BIN2: variants seen among roughly 807,000 people sequenced by gnomAD.
BIN2 encodes breast cancer associated protein BRAP1.
In BIN2, 43 loss-of-function variants were observed where a neutral mutation model predicts 67.9. The ratio of observed to expected loss-of-function variants is 0.63; its 90% CI spans 0.50 to 0.82. The LOEUF is 0.82. BIN2 is among the 40% of genes least tolerant of loss of function. The probability of loss-of-function intolerance (pLI) is 0.00; values close to 1 mark genes in which losing one functional copy is unlikely to be tolerated. For missense variants in BIN2, 581 were observed against 671.6 expected (o/e 0.87, Z 1.49); for synonymous variants, 244 against 246.8 (o/e 0.99, Z 0.11).
At chr12:51,302,612 A>C in intron 4 of BIN2, 74 bp downstream of exon 4, 3 of 1,258,488 alleles carry the variant, frequency 2.4e-6, no homozygotes, top group Non-Finnish European at 3.5e-6. Context: ...TTTCTTGGAT[A>C]GAGAAGCTAA....
chr12:51,295,814 A>C lies in BIN2; in HGVS notation c.743T>G (p.Val248Gly), dbSNP rs770133337. ...LEKQHSNKVF[V>G]VKGLSSSSRR... ...TGCTCACCTTGACAGTCCCTTCACC[A>C]CAAAGACTTTATTGGAATGTTGCTT... The change falls in exon 9 of 13, where the codon GTG (valine) becomes GGG (glycine). Residue 248 changes from valine to glycine, a missense_variant. Transcript: ENST00000615107. The C allele has an allele frequency of 4.3e-6, 7 of 1,613,070 alleles. No individual in the cohort carries two copies. Among genetic ancestry groups the C allele is most frequent in the Non-Finnish European group, 5.9e-6 (7 of 1,179,690 alleles).
At chr12:51,289,014 C>T (rs1945318021) in intron 10 of BIN2, among the ~76,000 whole-genome samples, 1 of 152,114 alleles carries the variant, frequency 6.6e-6, no homozygotes, top group East Asian at 1.9e-4. Flanking sequence ...TCCCGAAGTG[C>T]TGGGATTACA....
intron 5 of BIN2, 90 bp downstream of exon 5, chr12:51,301,930 T>G: frequency 1.1e-6 from 1 of 904,592 alleles, no homozygotes; most frequent in Non-Finnish European, 1.8e-6. Flanking sequence ...TAATCGTGAG[T>G]TCTAATTCTA....
upstream of BIN2, chr12:51,324,558 G>A (rs1281617541): frequency 3.3e-6 from 5 of 1,519,778 alleles, no homozygotes; most frequent in African/African-American, 5.6e-5. Flanking sequence ...ATGCGAAGCC[G>A]CCATGTACAC....
intron 5 of BIN2, among the ~76,000 whole-genome samples, chr12:51,299,943 ATTTT>A (rs1945679189): frequency 6.6e-6 from 1 of 151,850 alleles, no homozygotes; most frequent in Non-Finnish European, 1.5e-5. Flanking sequence ...GATTCAAGCA[ATTTT>A]TGTGCTTCGG....
At position 51,299,194 on chromosome 12, in the gene BIN2, A is replaced by T; in HGVS notation, c.602+9T>A. 1 of 1,601,470 alleles carries T rather than the reference A, an allele frequency of 6.2e-7. No homozygotes were observed. Among genetic ancestry groups the T allele is most frequent in the Non-Finnish European group, 8.6e-7 (1 of 1,168,732 alleles). ...AGCAAAGGCACCTTTTCTGAATTTC[A>T]GTCATTACCTATTATAAAGAATAGG... On this transcript the variant is annotated intron_variant, in intron 7 of 12. Coordinates refer to ENST00000615107, the MANE Select transcript of BIN2 (RefSeq NM_016293.4).
At chr12:51,323,926 C>A (rs1946358721) in intron 1 of BIN2, 96 bp downstream of exon 1, 2 of 1,487,450 alleles carry the variant, frequency 1.3e-6, no homozygotes, top group Non-Finnish European at 1.8e-6. Flanking sequence ...CCCTTCGGGG[C>A]CCCTGAGCAC....
rs1411696554 is a variant in BIN2, at chr12:51,291,942, G to A, written c.1164C>T (p.Val388=). The A allele has an allele frequency of 6.2e-7, 1 of 1,614,170 alleles. No individual in the cohort carries two copies. The highest frequency in any genetic ancestry group is 8.5e-7 in the Non-Finnish European group (1 of 1,180,026). The change falls in exon 10 of 13, where the codon GTC becomes GTT. Residue 388 remains valine (V), a synonymous_variant. Coordinates refer to ENST00000615107, the MANE Select transcript of BIN2 (RefSeq NM_016293.4). ...CTTCACTTGCGGTGCGGGTTCGGAG[G>A]ACTACTTCTGTGGCAGATGATGAAG... ...GQPSSSATEV[V]LRTRTASEGS...
At position 51,321,548 on chromosome 12, in the gene BIN2, C is replaced by G. The variant is rs200868621; in HGVS notation, c.81+2474G>C. Among the ~76,000 whole-genome samples the G allele has an allele frequency of 7.9e-5, 12 of 152,104 alleles. No individual in the cohort carries two copies. In the South Asian group the frequency reaches 1.9e-3, roughly 24 times the overall value. On this transcript the variant is annotated intron_variant, in intron 1 of 12. Transcript: ENST00000615107. ...CTGAGTAGCTGGGATTACAGGCATG[C>G]GCCACCACACCCGGCTGATTTTGTA... is the stretch of plus-strand genomic sequence containing the variant.
chr12:51,284,824 C>T, intron 11 of BIN2, 37 bp from the exon 12 acceptor site: 1 of 1,463,774 alleles, frequency 6.8e-7, no homozygotes, highest in South Asian at 1.1e-5. Flanking sequence ...AGAGGTGGCT[C>T]AACCTTTCCA....
At chr12:51,282,738 G>T (rs1356699232) in intron 12 of BIN2, among the ~76,000 whole-genome samples, 2 of 151,796 alleles carry the variant, frequency 1.3e-5, no homozygotes, top group African/African-American at 2.4e-5. Context: ...CAAGTAGCTG[G>T]GATTACGGGT....
chr12:51,323,140 C>T (rs968602752), intron 1 of BIN2: 10 of 152,216 alleles, frequency 6.6e-5, no homozygotes, highest in African/African-American at 2.4e-4. Flanking sequence ...ATCTCAGGTC[C>T]TTCTTGTCTT....
intron 1 of BIN2, among the ~76,000 whole-genome samples, chr12:51,315,193 G>C (rs1946091579): frequency 6.6e-6 from 1 of 150,722 alleles, no homozygotes; most frequent in Non-Finnish European, 1.5e-5. Flanking sequence ...TTTTTGAGAC[G>C]GAGTCTCGCT....
chr12:51,291,411 C>A (rs1415294220), intron 10 of BIN2, among the ~76,000 whole-genome samples, 180 bp downstream of exon 10: 1 of 152,096 alleles, frequency 6.6e-6, no homozygotes, highest in Non-Finnish European at 1.5e-5. Context: ...GAATTCAAGA[C>A]CAGTCTGGGC....
chr12:51,292,421 G>A lies in BIN2; in HGVS notation c.762-77C>T, dbSNP rs1000143285. The A allele has an allele frequency of 2.1e-5, 27 of 1,312,874 alleles. No homozygotes were observed. The highest frequency in any genetic ancestry group is 1.9e-4 in the Middle Eastern group (1 of 5,252). The allele number at this position is 1,312,874 out of a possible 1,614,324, so 81.3% of individuals were successfully genotyped here. On this transcript the variant is annotated intron_variant, in intron 9 of 12. Transcript: ENST00000615107. The stretch of plus-strand genomic sequence containing the variant: ...TAAATATGCAAAACTTACGATGCAT[G>A]TAATAAAAAAAAGAATAAAGCAATT...
intron 12 of BIN2, among the ~76,000 whole-genome samples, chr12:51,283,239 G>A (rs1240831625): frequency 6.9e-6 from 1 of 145,400 alleles, no homozygotes. Context: ...ACTCCAGCCT[G>A]GGCGACCGAG....
intron 12 of BIN2, among the ~76,000 whole-genome samples, chr12:51,284,114 C>G (rs1484336516): frequency 6.6e-6 from 1 of 152,190 alleles, no homozygotes; most frequent in Non-Finnish European, 1.5e-5. Flanking sequence ...CACTCACTCA[C>G]TGACTCACCC....
chr12:51,289,694 A>G (rs1188117395), intron 10 of BIN2, among the ~76,000 whole-genome samples: 1 of 151,996 alleles, frequency 6.6e-6, no homozygotes, highest in Non-Finnish European at 1.5e-5. Flanking sequence ...ATGGGTTGGC[A>G]TCTCTCAATT....
intron 2 of BIN2, among the ~76,000 whole-genome samples, chr12:51,304,860 C>CA (rs1414937411): frequency 6.7e-6 from 1 of 150,286 alleles, no homozygotes; most frequent in African/African-American, 2.4e-5. Flanking sequence ...ACTAAAAATA[C>CA]AAAAAAATTA....
Sources: gnomAD v4.1 joint callset for allele counts (sites outside exome capture counted in the v4.1 genomes callset) on GRCh38, gnomAD v4.1.1 for gene constraint, MANE v1.5 for transcripts, NCBI Gene and HGNC (gene_info 2026-07-23, HGNC 2026-07-21) for gene names.